PRG2: variants seen among roughly 807,000 people sequenced by gnomAD.
PRG2 encodes the protein proteoglycan 2, pro eosinophil major basic protein.
PRG2 carries 23 observed loss-of-function variants against 24.7 expected under a neutral mutation model. The ratio of observed to expected loss-of-function variants is 0.93; its 90% CI spans 0.67 to 1.32. The LOEUF (loss-of-function observed/expected upper bound fraction) is 1.32. Among genes scored for constraint, PRG2 ranks in the 40% most tolerant of loss-of-function variants. The pLI is 0.00. For missense variants in PRG2, 271 were observed against 280.9 expected (o/e 0.96, Z 0.25); for synonymous variants, 104 against 99.8 (o/e 1.04, Z -0.25).
At chr11:57,388,511 T>C (rs924938651) in intron 4 of PRG2, 66 bp downstream of exon 4, 28 of 1,593,400 alleles carry the variant, frequency 1.8e-5, no homozygotes, top group Admixed American at 5.1e-5. Flanking sequence ...CAGACAAATC[T>C]GATGCAAGCT....
chr11:57,389,293 G>A lies in PRG2; in HGVS notation c.83C>T (p.Thr28Ile), dbSNP rs1408956595. 1 of 1,612,922 alleles carries A rather than the reference G, an allele frequency of 6.2e-7. No individual in the cohort carries two copies. The highest frequency in any genetic ancestry group is 1.3e-5 in the African/African-American group (1 of 74,930). ...AGGCAGCGTCTTAGCACCCAAAGGG[G>A]TCTCAAAGGTGGAAGTCTCAGACCC... is the stretch of plus-strand genomic sequence containing the variant. ...HLRSETSTFE[T>I]PLGAKTLPED... Residue 28 changes from threonine to isoleucine, a missense_variant, in exon 3 of 6, where the codon ACC (threonine) becomes ATC (isoleucine). Thr to Ile is a moderately conservative substitution (Grantham distance 89, BLOSUM62 -1). Transcript: ENST00000311862.
chr11:57,389,813 G>T, intron 2 of PRG2, 74 bp downstream of exon 2: 1 of 1,331,840 alleles, frequency 7.5e-7, no homozygotes. Context: ...GGGGGTGGGT[G>T]TGTAACTCTG....
At chr11:57,390,062 G>A (rs1306917483) in intron 1 of PRG2, 106 bp from the exon 2 acceptor site, 27 of 948,358 alleles carry the variant, frequency 2.8e-5, no homozygotes, top group Non-Finnish European at 3.9e-5. Context: ...GAAAAAGAAG[G>A]CCTGAATAGA....
At chr11:57,390,409 G>T in intron 1 of PRG2, 187 bp downstream of exon 1, 1 of 202,612 alleles carries the variant, frequency 4.9e-6, no homozygotes, top group Non-Finnish European at 8.8e-6. Context: ...CCCAGCCAAG[G>T]AGCACTTTCA....
chr11:57,389,217 C>T lies in PRG2; in HGVS notation c.159G>A (p.Glu53=), dbSNP rs758264740. The change falls in exon 3 of 6, where the codon GAG becomes GAA. Residue 53 remains glutamate (E), a synonymous_variant. Transcript: ENST00000311862. ...EQEMEETPCR[E]LEEEEEWGSG... The stretch of plus-strand genomic sequence containing the variant: ...AGCCCCACTCCTCCTCTTCCTCCAG[C>T]TCCCTGCAAGGGGTCTCCTCCATCT... 1.9e-5 allele frequency: 30 copies of T among 1,614,138 alleles called. No homozygotes were observed. Among genetic ancestry groups the T allele is most frequent in the Non-Finnish European group, 2.3e-5 (27 of 1,180,056 alleles).
intron 2 of PRG2, 110 bp from the exon 3 acceptor site, chr11:57,389,427 T>C: frequency 8.2e-7 from 1 of 1,218,380 alleles, no homozygotes; most frequent in Non-Finnish European, 1.1e-6. Context: ...CAACTCTGCC[T>C]GGGAAGGGGA....
At chr11:57,387,941 G>T (rs935832045) in intron 4 of PRG2, 76 bp from the exon 5 acceptor site, 1 of 1,078,708 alleles carries the variant, frequency 9.3e-7, no homozygotes, top group South Asian at 1.6e-5. Context: ...GTATCTGCCA[G>T]CTCTTTCTGC....
intron 3 of PRG2, 70 bp downstream of exon 3, chr11:57,388,939 AT>A (rs1215773578): frequency 1.9e-6 from 3 of 1,538,596 alleles, no homozygotes; most frequent in Non-Finnish European, 2.6e-6. Context: ...AGAGCCAGTG[AT>A]AGCAATGCTG....
chr11:57,389,528 G>A (rs981743208), intron 2 of PRG2, among the ~76,000 whole-genome samples: 5 of 152,214 alleles, frequency 3.3e-5, no homozygotes, highest in African/African-American at 7.2e-5. Context: ...GCAGTCATGG[G>A]CTTGGGTACT....
At chr11:57,388,447 G>T in intron 4 of PRG2, 130 bp downstream of exon 4, 2 of 1,390,648 alleles carry the variant, frequency 1.4e-6, no homozygotes, top group Non-Finnish European at 2.0e-6. Context: ...CCTCAGTGTT[G>T]TCTGTGGGTG....
At chr11:57,390,559 C>T in intron 1 of PRG2, 37 bp downstream of exon 1, 2 of 982,974 alleles carry the variant, frequency 2.0e-6, no homozygotes, top group Non-Finnish European at 2.4e-6. Flanking sequence ...GGAGAATAAA[C>T]TGTCACCAGC....
At position 57,390,588 on chromosome 11, in the gene PRG2, G is replaced by C. The variant is rs927809874; in HGVS notation, c.-13+8C>G. 1.0e-6 allele frequency: 1 copy of C among 985,530 alleles called. No individual in the cohort carries two copies. Among genetic ancestry groups the C allele is most frequent in the Non-Finnish European group, 1.2e-6 (1 of 829,968 alleles). The allele number at this position is 985,530 out of a possible 1,614,324, so 61.0% of individuals were successfully genotyped here. ...CACCAGCTCCACCACAGCAGAGAAA[G>C]CACTCACCCACCCAGAGACCTTCCT... On this transcript the variant is annotated splice_region_variant and intron_variant, in intron 1 of 5. Coordinates refer to ENST00000311862, the MANE Select transcript of PRG2 (RefSeq NM_002728.6).
At chr11:57,389,403 G>A (rs2134474572) in intron 2 of PRG2, 86 bp from the exon 3 acceptor site, 1 of 1,413,572 alleles carries the variant, frequency 7.1e-7, no homozygotes, top group Admixed American at 2.1e-5. Context: ...CCTTGCCCTG[G>A]GCATCAGAGT....
At chr11:57,390,562 T>A (rs921775421) in intron 1 of PRG2, 34 bp downstream of exon 1, 152 of 983,650 alleles carry the variant, frequency 1.5e-4, no homozygotes, top group Non-Finnish European at 1.8e-4. Context: ...GAATAAACTG[T>A]CACCAGCTCC....
rs895007496 is a variant in PRG2 at position 57,390,036 on chromosome 11, G to A, written c.-12-80C>T. On this transcript the variant is annotated intron_variant, in intron 1 of 5. Transcript: ENST00000311862. Reference sequence around the variant, plus strand: ...ATCACAATCACACCATTAGGGGACCGTGGGAGTGAGGTGGAGAAAAAGAAG... The same window carrying A: ...ATCACAATCACACCATTAGGGGACCATGGGAGTGAGGTGGAGAAAAAGAAG... 7.5e-5 allele frequency: 90 copies of A among 1,204,748 alleles called. No homozygotes were observed. In the African/African-American group the frequency reaches 1.0e-3, roughly 14 times the overall value. The allele number at this position is 1,204,748 out of a possible 1,614,324, so 74.6% of individuals were successfully genotyped here.
intron 1 of PRG2, among the ~76,000 whole-genome samples, chr11:57,390,265 T>C (rs1213832643): frequency 6.6e-6 from 1 of 152,116 alleles, no homozygotes; most frequent in Non-Finnish European, 1.5e-5. Flanking sequence ...CCTCAGAGTC[T>C]ATGACATAAA....
At position 57,388,589 on chromosome 11, in the gene PRG2, C is replaced by T. The variant is rs1857093045; in HGVS notation, c.486G>A (p.Arg162=). The change falls in exon 4 of 6, where the codon AGG becomes AGA. Residue 162 remains arginine, a synonymous_variant. Coordinates refer to ENST00000311862, the MANE Select transcript of PRG2 (RefSeq NM_002728.6). ...ACACTTCTCTTACCGAGCCTGTGAT[C>T]CTGCCTCCAATCCAGACTTGACCCT... ...LNQGQVWIGG[R]ITGSGRCRRF... 6.2e-7 allele frequency: 1 copy of T among 1,613,926 alleles called. No individual in the cohort carries two copies. Among genetic ancestry groups the T allele is most frequent in the African/African-American group, 1.3e-5 (1 of 75,022 alleles).
Position 57,387,853 on chromosome 11 carries a change from G to C in PRG2, c.511C>G (p.Arg171Gly). 6.4e-7 allele frequency: 1 copy of C among 1,569,612 alleles called. No individual in the cohort carries two copies. Among genetic ancestry groups the C allele is most frequent in the Middle Eastern group, 1.7e-4 (1 of 5,990 alleles). ...GRITGSGRCR[R>G]FQWVDGSRWN... is the part of the protein sequence containing the mutation. ...CGGCTGCCGTCAACCCACTGAAAGC[G>C]TCTGCAGCGACCCTGGAGAAAGCAA... The change falls in exon 5 of 6, where the codon CGC becomes GGC. Residue 171 changes from arginine (R) to glycine (G), a missense_variant. By Grantham distance (125) the Arg-to-Gly change is moderately radical. Transcript: ENST00000311862.
At chr11:57,388,552 C>G (rs1410336198) in intron 4 of PRG2, 25 bp downstream of exon 4, 2 of 1,612,970 alleles carry the variant, frequency 1.2e-6, no homozygotes, top group Non-Finnish European at 1.7e-6. Flanking sequence ...AGGTGCACCC[C>G]ATTTAGTGTT....
Sources: allele counts gnomAD v4.1 joint callset (sites outside exome capture counted in the v4.1 genomes callset), GRCh38; gene constraint gnomAD v4.1.1; transcripts MANE v1.5; gene names NCBI Gene and HGNC (gene_info 2026-07-23, HGNC 2026-07-21).